RBPJL: variants seen among roughly 807,000 people sequenced by gnomAD.
The protein encoded by RBPJL is recombination signal binding protein for immunoglobulin kappa J region like, also known as recombining binding protein suppressor of hairless-like protein.
A neutral mutation model predicts 57.6 loss-of-function variants in RBPJL; 50 were observed. The observed-to-expected ratio is 0.87, with a 90% CI of 0.69 to 1.10. The LOEUF (loss-of-function observed/expected upper bound fraction) is 1.10, where lower values mean the gene tolerates loss of function less well. RBPJL is among the 50% of genes least tolerant of loss of function. RBPJL has a pLI of 0.00. For missense variants in RBPJL, 684 were observed against 693.7 expected (o/e 0.99, Z 0.16); for synonymous variants, 303 against 294.4 (o/e 1.03, Z -0.30).
At chr20:45,314,224 A>C in intron 8 of RBPJL, 80 bp downstream of exon 8, 1 of 1,370,544 alleles carries the variant, frequency 7.3e-7, no homozygotes, top group Non-Finnish European at 1.0e-6. Context: ...AGGGCTGGAG[A>C]GTGAGGCCCC....
chr20:45,312,191 G>C (rs767921318), intron 5 of RBPJL, 30 bp from the exon 6 acceptor site: 1 of 1,613,786 alleles, frequency 6.2e-7, no homozygotes, highest in South Asian at 1.1e-5. Context: ...GGGCTGGGAT[G>C]AGATGGCCCT....
intron 3 of RBPJL, among the ~76,000 whole-genome samples, chr20:45,310,485 T>C (rs1253193175): frequency 6.6e-6 from 1 of 152,020 alleles, no homozygotes; most frequent in Non-Finnish European, 1.5e-5. Context: ...CGGGCACCTG[T>C]AATCCCAGCT....
chr20:45,310,605 CAA>C (rs111414301), intron 3 of RBPJL, among the ~76,000 whole-genome samples: 1 of 136,954 alleles, frequency 7.3e-6, no homozygotes. Flanking sequence ...GACTCAGTCT[CAA>C]AAAAAAAAAG....
chr20:45,312,455 G>A (rs1987233289), intron 6 of RBPJL, 60 bp downstream of exon 6: 15 of 1,539,852 alleles, frequency 9.7e-6, no homozygotes, highest in East Asian at 2.3e-5. Context: ...AGCCCAGAAC[G>A]GCTAAACTGG....
intron 10 of RBPJL, 56 bp downstream of exon 10, chr20:45,316,398 G>A (rs2145697734): frequency 6.2e-7 from 1 of 1,602,060 alleles, no homozygotes. Flanking sequence ...ACTGGGCAGT[G>A]GTGGTGCTAG....
intron 3 of RBPJL, among the ~76,000 whole-genome samples, chr20:45,310,575 C>A (rs1396090904): frequency 6.6e-6 from 1 of 151,832 alleles, no homozygotes; most frequent in Non-Finnish European, 1.5e-5. Context: ...CCACTGCACT[C>A]CAGCCTGGCG....
chr20:45,311,944 C>G lies in RBPJL; in HGVS notation c.434C>G (p.Pro145Arg), dbSNP rs1483205807. The change falls in exon 5 of 12, where the codon CCG becomes CGG. Residue 145 changes from proline (P) to arginine (R), a missense_variant. By Grantham distance (103) the Pro-to-Arg change is moderately radical. Coordinates refer to ENST00000343694, the MANE Select transcript of RBPJL (RefSeq NM_014276.4). ...ETQKLNFEQQ[P>R]DSREFGCAKT... ...CAGAAGCTGAATTTCGAGCAGCAGC[C>G]GGACTCCAGGGTGAGAGCGCACGGG... 3.9e-6 allele frequency: 6 copies of G among 1,550,962 alleles called. No individual in the cohort carries two copies. The highest frequency in any genetic ancestry group is 4.4e-6 in the Non-Finnish European group (5 of 1,146,666).
At chr20:45,313,668 C>T in intron 7 of RBPJL, 63 bp downstream of exon 7, 2 of 1,456,640 alleles carry the variant, frequency 1.4e-6, no homozygotes, top group Non-Finnish European at 1.8e-6. Flanking sequence ...TTAACCTCCA[C>T]CACAACTCCT....
At chr20:45,308,651 C>T (rs1396722981) in intron 2 of RBPJL, 1 of 207,452 alleles carries the variant, frequency 4.8e-6, no homozygotes, top group Non-Finnish European at 9.9e-6. Flanking sequence ...CGGTCTTGCG[C>T]TGTCCCCTCC....
Position 45,312,278 on chromosome 20 carries a change from C to G in RBPJL, c.502C>G (p.Arg168Gly). 1.2e-6 allele frequency: 2 copies of G among 1,614,140 alleles called. No homozygotes were observed. Among genetic ancestry groups the G allele is most frequent in the Non-Finnish European group, 1.7e-6 (2 of 1,179,980 alleles). The change falls in exon 6 of 12, where the codon CGG becomes GGG. Residue 168 changes from arginine (R) to glycine (G), a missense_variant. Transcript: ENST00000343694. ...ISDADKRKHF[R>G]LVLRLVLRGG... ...AGATGCAGACAAGAGGAAGCACTTT[C>G]GGCTGGTGCTGCGGCTGGTGCTGCG...
At chr20:45,309,472 C>T (rs990852148) in intron 2 of RBPJL, 95 bp from the exon 3 acceptor site, 53 of 1,371,608 alleles carry the variant, frequency 3.9e-5, no homozygotes, top group Non-Finnish European at 4.8e-5. Flanking sequence ...TAACCCCCTG[C>T]TCACTTCATT....
intron 6 of RBPJL, 151 bp downstream of exon 6, chr20:45,312,546 A>G: frequency 2.6e-6 from 2 of 757,232 alleles, no homozygotes; most frequent in Non-Finnish European, 4.2e-6. Context: ...AGGAGTCTGG[A>G]TGAGTGGGTG....
In RBPJL at chr20:45,313,553, T is replaced by C. The variant is rs751676289; in HGVS notation, c.705T>C (p.Asp235=). 1 of 1,614,022 alleles carries C rather than the reference T, an allele frequency of 6.2e-7. No homozygotes were observed. Among genetic ancestry groups the C allele is most frequent in the Non-Finnish European group, 8.5e-7 (1 of 1,179,962 alleles). Residue 235 remains aspartate (D), a synonymous_variant, in exon 7 of 12, where the codon GAT becomes GAC. Transcript: ENST00000343694. ...CCACACGCTACCTCTCTGTGGAGGA[T>C]GGGGCCTTTGTGGCCAGTGCACGAC... ...TVSTRYLSVE[D]GAFVASARQW...
Position 45,314,407 on chromosome 20 carries a change from T to C in RBPJL, c.868-6T>C. On this transcript the variant is annotated splice_polypyrimidine_tract_variant and splice_region_variant and intron_variant, in intron 8 of 11. Transcript: ENST00000343694. ...CACCACTGTTCTTACCATCCTTCCA[T>C]TGCAGATCATCCGTAAAGTAGCAAA... The C allele has an allele frequency of 6.2e-7, 1 of 1,611,802 alleles. No homozygotes were observed. Among genetic ancestry groups the C allele is most frequent in the Non-Finnish European group, 8.5e-7 (1 of 1,178,124 alleles).
At chr20:45,314,219 T>C (rs1987342594) in intron 8 of RBPJL, 75 bp downstream of exon 8, 3 of 1,408,912 alleles carry the variant, frequency 2.1e-6, no homozygotes, top group Admixed American at 3.4e-5. Flanking sequence ...CGGGCAGGGC[T>C]GGAGAGTGAG....
At chr20:45,313,241 T>C (rs936276693) in intron 6 of RBPJL, among the ~76,000 whole-genome samples, 1 of 152,020 alleles carries the variant, frequency 6.6e-6, no homozygotes, top group African/African-American at 2.4e-5. Context: ...AGGGCACTGA[T>C]AGCACCAACT....
In RBPJL at chr20:45,310,834, C is replaced by G. The variant is rs1021325401; in HGVS notation, c.258-755C>G. ...TCATGTTTTTAACAAAACACTCTGGCCAGCCTGGTGGCTCATCCCTGTAAT... is the reference window on the plus strand; with the variant it reads ...TCATGTTTTTAACAAAACACTCTGGGCAGCCTGGTGGCTCATCCCTGTAAT... On this transcript the variant is annotated intron_variant, in intron 3 of 11. Coordinates refer to ENST00000343694, the MANE Select transcript of RBPJL (RefSeq NM_014276.4). Among the ~76,000 whole-genome samples, 5 of 152,088 alleles carry G rather than the reference C, an allele frequency of 3.3e-5. No individual in the cohort carries two copies. In the East Asian group the frequency reaches 9.6e-4, roughly 29 times the overall value.
At chr20:45,315,288 C>T (rs1005787880) in intron 9 of RBPJL, among the ~76,000 whole-genome samples, 6 of 151,688 alleles carry the variant, frequency 4.0e-5, no homozygotes, top group African/African-American at 7.3e-5. Flanking sequence ...TAGAATGTTA[C>T]GAGATAGAAT....
intron 2 of RBPJL, among the ~76,000 whole-genome samples, chr20:45,309,122 C>T (rs1986999850): frequency 6.6e-6 from 1 of 152,020 alleles, no homozygotes; most frequent in Non-Finnish European, 1.5e-5. Flanking sequence ...CCCTTCCCCT[C>T]CCTCCTCACC....
Sources: allele counts gnomAD v4.1 joint callset (sites outside exome capture counted in the v4.1 genomes callset), GRCh38; gene constraint gnomAD v4.1.1; transcripts MANE v1.5; gene names NCBI Gene and HGNC (gene_info 2026-07-23, HGNC 2026-07-21).